The following C8A variants were observed in gnomAD, a reference collection of about 807,000 sequenced individuals.
C8A encodes the protein complement component C8 alpha chain.
A neutral mutation model predicts 65.3 loss-of-function variants in C8A; 67 were observed. The ratio of observed to expected loss-of-function variants is 1.03; its 90% CI spans 0.84 to 1.26. C8A has a LOEUF of 1.26. Ranked by LOEUF, C8A falls within the 50% of genes most tolerant of loss-of-function variation. C8A has a pLI of 0.00. For synonymous variants in C8A, 290 were observed against 259.4 expected (o/e 1.12, Z -1.13); for missense variants, 781 against 723.9 (o/e 1.08, Z -0.90).
At chr1:56,911,927 T>A (rs769711348) in intron 9 of C8A, among the ~76,000 whole-genome samples, 19 of 152,192 alleles carry the variant, frequency 1.2e-4, no homozygotes, top group Non-Finnish European at 2.4e-4. Context: ...TTGGCACAAA[T>A]AACTTCTAAG....
At chr1:56,873,022 A>T (rs1161438473) in intron 2 of C8A, among the ~76,000 whole-genome samples, 1 of 152,202 alleles carries the variant, frequency 6.6e-6, no homozygotes, top group African/African-American at 2.4e-5. Context: ...CCAACTGGTC[A>T]TTAATTACAA....
chr1:56,895,834 G>A (rs1243359137), intron 7 of C8A, among the ~76,000 whole-genome samples: 6 of 151,944 alleles, frequency 3.9e-5, no homozygotes, highest in Admixed American at 1.3e-4. Flanking sequence ...CTGTAGTCCC[G>A]GCTACTTGGG....
chr1:56,910,161 A>C (rs776481165), intron 9 of C8A, among the ~76,000 whole-genome samples: 1 of 152,232 alleles, frequency 6.6e-6, no homozygotes, highest in Admixed American at 6.5e-5. Flanking sequence ...TCACTTGCAT[A>C]TACCCCAGAG....
intron 7 of C8A, among the ~76,000 whole-genome samples, chr1:56,902,907 C>G (rs1048880917): frequency 6.6e-6 from 1 of 152,136 alleles, no homozygotes; most frequent in African/African-American, 2.4e-5. Flanking sequence ...GCACACAGCT[C>G]TGAGTTTCCC....
chr1:56,910,338 A>G (rs1027308261), intron 9 of C8A, among the ~76,000 whole-genome samples: 1 of 152,076 alleles, frequency 6.6e-6, no homozygotes, highest in African/African-American at 2.4e-5. Context: ...CTTTTTTCTC[A>G]TCTGCAAAAC....
intron 7 of C8A, among the ~76,000 whole-genome samples, chr1:56,886,549 C>T (rs1307556043): frequency 5.9e-5 from 9 of 152,148 alleles, no homozygotes; most frequent in Admixed American, 2.6e-4. Flanking sequence ...AACTTACATT[C>T]ATCTCAGACT....
At chr1:56,897,213 T>G (rs1229856896) in intron 7 of C8A, among the ~76,000 whole-genome samples, 1 of 152,114 alleles carries the variant, frequency 6.6e-6, no homozygotes, top group Non-Finnish European at 1.5e-5. Context: ...TAATGTTGAG[T>G]CAGTTTGACC....
intron 9 of C8A, 120 bp from the exon 10 acceptor site, chr1:56,912,283 G>A: frequency 1.2e-6 from 1 of 802,944 alleles, no homozygotes; most frequent in Non-Finnish European, 2.1e-6. Context: ...GGATAAATTG[G>A]GTGTCTGTGT....
At chr1:56,882,637 T>C (rs1327807551) in intron 5 of C8A, among the ~76,000 whole-genome samples, 1 of 151,972 alleles carries the variant, frequency 6.6e-6, no homozygotes, top group Non-Finnish European at 1.5e-5. Context: ...TTTTAAGAAG[T>C]TTGCTCCCCC....
intron 2 of C8A, among the ~76,000 whole-genome samples, chr1:56,868,265 C>A (rs1393579204): frequency 6.6e-6 from 1 of 151,320 alleles, no homozygotes; most frequent in Non-Finnish European, 1.5e-5. Flanking sequence ...CAGGCAGAGG[C>A]GAGTATTAAA....
chr1:56,857,432 T>C (rs1383775170), intron 1 of C8A, among the ~76,000 whole-genome samples: 1 of 152,060 alleles, frequency 6.6e-6, no homozygotes, highest in Admixed American at 6.6e-5. Flanking sequence ...ATTATGTTTA[T>C]TATTAATACA....
Position 56,917,594 on chromosome 1 carries a change from T to C in C8A, c.1633T>C (p.Trp545Arg). The C allele has an allele frequency of 1.2e-6, 2 of 1,614,028 alleles. No individual in the cohort carries two copies. The highest frequency in any genetic ancestry group is 1.7e-5 in the Admixed American group (1 of 60,008). The change falls in exon 11 of 11, where the codon TGG becomes CGG. Residue 545 changes from tryptophan (W) to arginine (R), a missense_variant. Coordinates refer to ENST00000361249, the MANE Select transcript of C8A (RefSeq NM_000562.3). ...GAKADGSWSCWSSWSVCRAGI... is the reference protein window; with the variant it reads ...GAKADGSWSCRSSWSVCRAGI... ...CAAAGCAGATGGGAGCTGGAGTTGCTGGAGCTCCTGGTCTGTATGCAGAGC... is the reference window on the plus strand; with the variant it reads ...CAAAGCAGATGGGAGCTGGAGTTGCCGGAGCTCCTGGTCTGTATGCAGAGC...
In C8A at chr1:56,908,768, T is replaced by G. The variant is rs1644485660; in HGVS notation, c.1380+655T>G. Among the ~76,000 whole-genome samples the G allele has an allele frequency of 2.0e-5, 3 of 152,314 alleles. No homozygotes were observed. In the South Asian group the frequency reaches 6.2e-4, roughly 32 times the overall value. ...GGCTCTGAAAAATCAAGTGAAAATA[T>G]TTGAGGTCATATAGCTCAGAGGTGG... On this transcript the variant is annotated intron_variant, in intron 9 of 10. Transcript: ENST00000361249.
At chr1:56,874,387 C>G (rs1415702589) in intron 2 of C8A, among the ~76,000 whole-genome samples, 1 of 152,128 alleles carries the variant, frequency 6.6e-6, no homozygotes, top group Non-Finnish European at 1.5e-5. Context: ...ATTCCAGGAC[C>G]AGAAGAAATG....
intron 9 of C8A, among the ~76,000 whole-genome samples, chr1:56,911,010 A>G (rs1644500787): frequency 6.6e-6 from 1 of 152,030 alleles, no homozygotes; most frequent in Non-Finnish European, 1.5e-5. Flanking sequence ...TAACATGTAT[A>G]ACATTATAAG....
At position 56,910,839 on chromosome 1, in the gene C8A, C is replaced by T. The variant is rs541679550; in HGVS notation, c.1381-1564C>T. Among the ~76,000 whole-genome samples the T allele has an allele frequency of 1.3e-4, 20 of 152,276 alleles. 1 individual carries two copies. The highest frequency in any genetic ancestry group is 1.9e-4 in the African/African-American group (8 of 41,562). ...GTTGACTTCTGTTTCCAGGGAAGTG[C>T]GACTACCGTAATGTGGCTCAGTCCT... On this transcript the variant is annotated intron_variant, in intron 9 of 10. Coordinates refer to ENST00000361249, the MANE Select transcript of C8A (RefSeq NM_000562.3).
rs201007993 is a variant in C8A at position 56,912,472 on chromosome 1, C to T, written c.1450C>T (p.Arg484Cys). The part of the protein sequence containing the change: ...GPLEAKRQNL[R>C]RALDQYLMEF... Reference sequence around the variant, plus strand: ...TCTGGAGGCCAAGCGCCAGAACCTGCGCCGCGCCTTGGACCAGTATCTGAT... The same window carrying T: ...TCTGGAGGCCAAGCGCCAGAACCTGTGCCGCGCCTTGGACCAGTATCTGAT... Residue 484 changes from arginine (R) to cysteine (C), a missense_variant, in exon 10 of 11, where the codon CGC becomes TGC. Coordinates refer to ENST00000361249, the MANE Select transcript of C8A (RefSeq NM_000562.3). 92 of 1,614,088 alleles carry T rather than the reference C, an allele frequency of 5.7e-5. No individual in the cohort carries two copies. The highest frequency in any genetic ancestry group is 4.3e-4 in the African/African-American group (32 of 74,938).
chr1:56,877,856 C>A (rs945796655), intron 4 of C8A, among the ~76,000 whole-genome samples: 10 of 152,222 alleles, frequency 6.6e-5, no homozygotes, highest in Non-Finnish European at 1.2e-4. Flanking sequence ...GAGATCAGAG[C>A]CCACCTACTT....
chr1:56,879,206 A>C (rs890838306), intron 4 of C8A, among the ~76,000 whole-genome samples: 2 of 152,202 alleles, frequency 1.3e-5, no homozygotes, highest in Non-Finnish European at 2.9e-5. Context: ...CCTCATCTAT[A>C]GTATAATTAT....
Sources: gnomAD v4.1 joint callset for allele counts (sites outside exome capture counted in the v4.1 genomes callset) on GRCh38, gnomAD v4.1.1 for gene constraint, MANE v1.5 for transcripts, NCBI Gene and HGNC (gene_info 2026-07-23, HGNC 2026-07-21) for gene names.